ARHGAP11A: variants seen among roughly 807,000 people sequenced by gnomAD.
The protein encoded by ARHGAP11A is rho GTPase-activating protein 11A.
ARHGAP11A carries 36 observed loss-of-function variants against 60.5 expected under a neutral mutation model. That is an observed-to-expected ratio of 0.59 (90% CI 0.46 to 0.79). ARHGAP11A has a LOEUF of 0.79. ARHGAP11A is among the 30% of genes least tolerant of loss of function. ARHGAP11A has a pLI of 0.00. For missense variants in ARHGAP11A, 1,071 were observed against 1,199.2 expected, an observed-to-expected ratio of 0.89 and a Z score of 1.58; for synonymous variants, 362 against 415.5, an observed-to-expected ratio of 0.87 and a Z score of 1.57.
chr15:32,635,632 T>C, intron 10 of ARHGAP11A, 145 bp from the exon 11 acceptor site: 2 of 528,570 alleles, frequency 3.8e-6, no homozygotes, highest in Non-Finnish European at 6.3e-6. Context: ...GCAAGAATGT[T>C]TGTCATTGTT....
At chr15:32,622,579 C>G (rs1382866058) in intron 2 of ARHGAP11A, among the ~76,000 whole-genome samples, 1 of 152,210 alleles carries the variant, frequency 6.6e-6, no homozygotes, top group East Asian at 1.9e-4. Flanking sequence ...GGCTGACATT[C>G]AGCCACTGTG....
chr15:32,633,176 T>G, intron 9 of ARHGAP11A, 68 bp downstream of exon 9: 1 of 1,543,294 alleles, frequency 6.5e-7, no homozygotes, highest in South Asian at 1.2e-5. Context: ...AATAAAATGT[T>G]TTGTCTTTCT....
Position 32,637,296 on chromosome 15 carries a change from C to T in ARHGAP11A, c.2523C>T (p.Ser841=), listed in dbSNP as rs372941458. The change falls in exon 12 of 12, where the codon TCC becomes TCT. Residue 841 remains serine (S), a synonymous_variant. Transcript: ENST00000361627. ...LKFQRTPVRQ[S]VRRINSLLEY... ...TTCAGCGTACTCCTGTTCGTCAGTC[C>T]GTCAGAAGAATTAATTCTTTGTTGG... is the stretch of plus-strand genomic sequence containing the variant. The T allele has an allele frequency of 2.2e-5, 35 of 1,614,020 alleles. No individual in the cohort carries two copies. The highest frequency in any genetic ancestry group is 5.3e-5 in the African/African-American group (4 of 74,920).
intron 5 of ARHGAP11A, 77 bp downstream of exon 5, chr15:32,625,320 G>C: frequency 6.7e-7 from 1 of 1,486,410 alleles, no homozygotes; most frequent in East Asian, 2.3e-5. Flanking sequence ...AACTATGAAG[G>C]CAACTGTTAG....
At chr15:32,617,607 G>T (rs1428040539) in intron 1 of ARHGAP11A, among the ~76,000 whole-genome samples, 2 of 151,292 alleles carry the variant, frequency 1.3e-5, no homozygotes, top group Admixed American at 1.3e-4. Flanking sequence ...GAGTAGCTGG[G>T]ACTACAGGCG....
At chr15:32,634,353 AT>A (rs1204493305) in intron 10 of ARHGAP11A, among the ~76,000 whole-genome samples, 1 of 151,930 alleles carries the variant, frequency 6.6e-6, no homozygotes, top group Non-Finnish European at 1.5e-5. Context: ...TTTGGGGGGG[AT>A]TTTGGAATAT....
chr15:32,625,192 C>A lies in ARHGAP11A; in HGVS notation c.664C>A (p.Arg222=), dbSNP rs756869901. 6.2e-7 allele frequency: 1 copy of A among 1,613,704 alleles called. No individual in the cohort carries two copies. The highest frequency in any genetic ancestry group is 8.5e-7 in the Non-Finnish European group (1 of 1,179,806). ...KMSSNTEKKL[R]LQAAVVQTLI... is the part of the protein sequence containing the mutation. ...GTCTTCTAACACAGAAAAGAAGCTA[C>A]GATTACAGGCTGCAGTAGTACAGAC... Residue 222 remains arginine (R), a synonymous_variant, in exon 5 of 12, where the codon CGA becomes AGA. Transcript: ENST00000361627.
At chr15:32,632,707 C>G (rs1392670875) in intron 8 of ARHGAP11A, 4 of 234,722 alleles carry the variant, frequency 1.7e-5, no homozygotes, top group Non-Finnish European at 3.3e-5. Flanking sequence ...CTATCCCTGC[C>G]TTGTATTATT....
rs2140452913 is a variant in ARHGAP11A, at chr15:32,624,157, A to T, written c.298-16A>T. The T allele has an allele frequency of 1.2e-6, 2 of 1,609,504 alleles. No homozygotes were observed. The highest frequency in any genetic ancestry group is 2.2e-5 in the South Asian group (2 of 90,422). On this transcript the variant is annotated splice_polypyrimidine_tract_variant and intron_variant, in intron 3 of 11. Coordinates refer to ENST00000361627, the MANE Select transcript of ARHGAP11A (RefSeq NM_014783.6). ...TTAAGTTGCCAAAATACTCAAGATT[A>T]TTATATTTATTTCAGAATAAAGTGG...
At chr15:32,622,813 G>A (rs969977732) in intron 2 of ARHGAP11A, among the ~76,000 whole-genome samples, 4 of 152,120 alleles carry the variant, frequency 2.6e-5, no homozygotes, top group Non-Finnish European at 4.4e-5. Context: ...AAAAAACCTC[G>A]CCCTGTTTTT....
In ARHGAP11A at chr15:32,636,389, C is replaced by G. The variant is rs1160802468; in HGVS notation, c.1616C>G (p.Ser539Ter). 4.3e-6 allele frequency: 7 copies of G among 1,614,066 alleles called. No individual in the cohort carries two copies. Among genetic ancestry groups the G allele is most frequent in the Non-Finnish European group, 5.9e-6 (7 of 1,179,968 alleles). Residue 539 changes from serine (S) to a stop codon, truncating the protein, a stop_gained, in exon 12 of 12, where the codon TCA becomes TGA. Coordinates refer to ENST00000361627, the MANE Select transcript of ARHGAP11A (RefSeq NM_014783.6). LOFTEE classifies it low-confidence loss of function (END_TRUNC). ...FQEVDANEAS[S>*]MVENLEVENS... is the part of the protein sequence containing the mutation. The stretch of plus-strand genomic sequence containing the variant: ...GAAGTAGATGCAAATGAAGCTTCTT[C>G]AATGGTGGAAAATCTTGAGGTAGAA...
chr15:32,636,412 G>C lies in ARHGAP11A; in HGVS notation c.1639G>C (p.Glu547Gln). 1 of 1,614,052 alleles carries C rather than the reference G, an allele frequency of 6.2e-7. No individual in the cohort carries two copies. Among genetic ancestry groups the C allele is most frequent in the Non-Finnish European group, 8.5e-7 (1 of 1,179,960 alleles). The change falls in exon 12 of 12, where the codon GAA (glutamate) becomes CAA (glutamine). Residue 547 changes from glutamate to glutamine, a missense_variant. Glu to Gln is a conservative substitution (Grantham distance 29, BLOSUM62 2). Around this residue, in one of 4 missense-constraint regions of ARHGAP11A, gnomAD observed 776 missense variants for 760.2 expected, o/e 1.02. Transcript: ENST00000361627. ...TTCAATGGTGGAAAATCTTGAGGTAGAAAACTCTTTGGAGCCTGATATTAT... is the reference window on the plus strand; with the variant it reads ...TTCAATGGTGGAAAATCTTGAGGTACAAAACTCTTTGGAGCCTGATATTAT... The part of the protein sequence containing the change: ...ASSMVENLEV[E>Q]NSLEPDIMVE...
At chr15:32,617,780 G>C (rs1163998864) in intron 1 of ARHGAP11A, among the ~76,000 whole-genome samples, 2 of 152,090 alleles carry the variant, frequency 1.3e-5, no homozygotes, top group East Asian at 1.9e-4. Context: ...CCTTTTCACC[G>C]CTTAACAAGA....
At position 32,637,055 on chromosome 15, in the gene ARHGAP11A, C is replaced by T. The variant is rs374275026; in HGVS notation, c.2282C>T (p.Ser761Phe). 3 of 1,613,914 alleles carry T rather than the reference C, an allele frequency of 1.9e-6. No individual in the cohort carries two copies. The highest frequency in any genetic ancestry group is 1.7e-6 in the Non-Finnish European group (2 of 1,180,008). The change falls in exon 12 of 12, where the codon TCC (serine) becomes TTC (phenylalanine). Residue 761 changes from serine (S) to phenylalanine (F), a missense_variant. Ser to Phe is a radical substitution (Grantham distance 155). Around this residue, in one of 4 missense-constraint regions of ARHGAP11A, gnomAD observed 776 missense variants for 760.2 expected, o/e 1.02. Coordinates refer to ENST00000361627, the MANE Select transcript of ARHGAP11A (RefSeq NM_014783.6). The stretch of plus-strand genomic sequence containing the variant: ...GCACATAGCAAGGACGAGGCTAGAT[C>T]CTCTTTCTCACAGCAGAGTACATGT... ...CAAHSKDEAR[S>F]SFSQQSTCVV...
chr15:32,618,728 G>A (rs1263479270), intron 1 of ARHGAP11A, among the ~76,000 whole-genome samples: 2 of 151,214 alleles, frequency 1.3e-5, no homozygotes, highest in South Asian at 2.1e-4. Context: ...GAGGTCAGGA[G>A]ATCGAGACCA....
intron 4 of ARHGAP11A, 37 bp from the exon 5 acceptor site, chr15:32,625,043 G>A (rs752083488): frequency 2.4e-5 from 38 of 1,608,074 alleles, no homozygotes; most frequent in African/African-American, 4.0e-5. Flanking sequence ...GTATTTTCAC[G>A]TTTGGCTCCA....
Position 32,637,972 on chromosome 15 carries a change from G to T in ARHGAP11A, c.*127G>T. ...GCAATAGATTTGCTCTATTGAAAAT[G>T]TTTCATTTTTTTCACTGTACAAGCA... On this transcript the variant is annotated 3_prime_UTR_variant, in exon 12 of 12. Coordinates refer to ENST00000361627, the MANE Select transcript of ARHGAP11A (RefSeq NM_014783.6). 1.1e-6 allele frequency: 1 copy of T among 881,924 alleles called. No individual in the cohort carries two copies. Among genetic ancestry groups the T allele is most frequent in the African/African-American group, 1.7e-5 (1 of 58,240 alleles). The allele number at this position is 881,924 out of a possible 1,614,324, so 54.6% of individuals were successfully genotyped here.
chr15:32,636,433 A>G lies in ARHGAP11A; in HGVS notation c.1660A>G (p.Ile554Val). 6.2e-7 allele frequency: 1 copy of G among 1,614,048 alleles called. No individual in the cohort carries two copies. The highest frequency in any genetic ancestry group is 8.5e-7 in the Non-Finnish European group (1 of 1,179,954). Residue 554 changes from isoleucine to valine, a missense_variant, in exon 12 of 12, where the codon ATT becomes GTT. Physicochemically the swap from Ile to Val is conservative, Grantham distance 29. Coordinates refer to ENST00000361627, the MANE Select transcript of ARHGAP11A (RefSeq NM_014783.6). ...LEVENSLEPD[I>V]MVEKSPATSC... Reference sequence around the variant, plus strand: ...GGTAGAAAACTCTTTGGAGCCTGATATTATGGTAGAAAAGTCACCTGCTAC... The same window carrying G: ...GGTAGAAAACTCTTTGGAGCCTGATGTTATGGTAGAAAAGTCACCTGCTAC...
chr15:32,620,007 A>T (rs1047232356), intron 1 of ARHGAP11A, 101 bp from the exon 2 acceptor site: 8 of 1,549,000 alleles, frequency 5.2e-6, no homozygotes, highest in Non-Finnish European at 7.0e-6. Flanking sequence ...TTTATTTCTG[A>T]TTTTTTTTTA....
Sources: gnomAD v4.1 joint callset for allele counts (sites outside exome capture counted in the v4.1 genomes callset) on GRCh38, gnomAD v4.1.1 for gene constraint, gnomAD v4.1.1 regional missense constraint, MANE v1.5 for transcripts, NCBI Gene and HGNC (gene_info 2026-07-23, HGNC 2026-07-21) for gene names.